Variants in ATXN1 observed in about 807,000 individuals in gnomAD.
ATXN1 encodes ataxin 1.
In ATXN1, 8 loss-of-function variants were observed where a neutral mutation model predicts 56.4. The ratio of observed to expected loss-of-function variants is 0.14; its 90% CI spans 0.08 to 0.26. ATXN1 has a LOEUF of 0.26. Among genes scored for constraint, ATXN1 ranks in the 10% least tolerant of loss-of-function variants. The pLI is 1.00. For synonymous variants in ATXN1, 514 were observed against 494.6 expected, an observed-to-expected ratio of 1.04 and a Z score of -0.52; for missense variants, 987 against 1,106.5, an observed-to-expected ratio of 0.89 and a Z score of 1.53.
chr6:16,541,135 C>T (rs990757074), intron 4 of ATXN1, among the ~76,000 whole-genome samples: 4 of 152,194 alleles, frequency 2.6e-5, no homozygotes, highest in Admixed American at 6.5e-5. Context: ...CCCGCTGCCC[C>T]GGTCAATAGA....
intron 3 of ATXN1, among the ~76,000 whole-genome samples, chr6:16,622,040 C>A (rs1763328726): frequency 6.6e-6 from 1 of 152,160 alleles, no homozygotes; most frequent in Non-Finnish European, 1.5e-5. Context: ...ACTTGATGAT[C>A]ACTGATTATG....
intron 6 of ATXN1, among the ~76,000 whole-genome samples, chr6:16,347,920 C>G (rs1022229400): frequency 1.3e-5 from 2 of 152,174 alleles, no homozygotes; most frequent in African/African-American, 2.4e-5. Context: ...GCTGTTCACT[C>G]TTTGGATCTA....
intron 3 of ATXN1, chr6:16,616,030 G>A (rs977645908): frequency 2.0e-5 from 3 of 151,038 alleles, no homozygotes; most frequent in Non-Finnish European, 4.4e-5. Flanking sequence ...GCAAGACTCT[G>A]TCTCAAGAAA....
intron 6 of ATXN1, among the ~76,000 whole-genome samples, chr6:16,424,757 T>G (rs1372286441): frequency 6.6e-6 from 1 of 152,112 alleles, no homozygotes; most frequent in Admixed American, 6.5e-5. Flanking sequence ...AACAAAGAAG[T>G]GTTTCAGGTG....
In ATXN1 at chr6:16,499,855, C is replaced by G. The variant is rs567138494; in HGVS notation, c.-298-13746G>C. 1.9e-4 allele frequency among the ~76,000 whole-genome samples: 29 copies of G among 152,256 alleles called. 1 individual carries two copies. Among genetic ancestry groups the G allele is most frequent in the East Asian group, 7.7e-4 (4 of 5,184 alleles). ...CAAGGAGTGAAGACTTTTAAATCCC[C>G]CTAAAGCATCAGTTCTCCAACTTGG... On this transcript the variant is annotated intron_variant, in intron 5 of 7. Transcript: ENST00000436367.
At chr6:16,710,986 G>T (rs1040884092) in intron 2 of ATXN1, among the ~76,000 whole-genome samples, 2 of 152,056 alleles carry the variant, frequency 1.3e-5, no homozygotes, top group African/African-American at 4.8e-5. Flanking sequence ...GGGCCCAAGC[G>T]ATCCTCCCAC....
intron 2 of ATXN1, chr6:16,750,042 A>T (rs1760663208): frequency 6.6e-6 from 1 of 152,352 alleles, no homozygotes; most frequent in Non-Finnish European, 1.5e-5. Flanking sequence ...ATCTCTTCCC[A>T]CAGAAATGCA....
At chr6:16,566,188 A>G (rs1762213306) in intron 4 of ATXN1, among the ~76,000 whole-genome samples, 1 of 152,224 alleles carries the variant, frequency 6.6e-6, no homozygotes, top group Admixed American at 6.5e-5. Flanking sequence ...AACTTGTCAT[A>G]AAACATAAAT....
intron 4 of ATXN1, among the ~76,000 whole-genome samples, chr6:16,528,868 A>C (rs1457600090): frequency 5.3e-5 from 8 of 152,168 alleles, no homozygotes; most frequent in Non-Finnish European, 1.2e-4. Flanking sequence ...ATACATAAGC[A>C]TTCTGACAAA....
At chr6:16,320,783 T>C (rs543842120) in intron 7 of ATXN1, among the ~76,000 whole-genome samples, 1 of 152,316 alleles carries the variant, frequency 6.6e-6, no homozygotes, top group African/African-American at 2.4e-5. Context: ...GAAATACAGA[T>C]TGATATGCTC....
rs187246562 is a variant in ATXN1, at chr6:16,423,648, C to G, written c.-161+62324G>C. 1.3e-4 allele frequency among the ~76,000 whole-genome samples: 20 copies of G among 152,202 alleles called. No individual in the cohort carries two copies. In the East Asian group the frequency reaches 3.9e-3, roughly 29 times the overall value. On this transcript the variant is annotated intron_variant, in intron 6 of 7. Coordinates refer to ENST00000436367, the MANE Select transcript of ATXN1 (RefSeq NM_001128164.2). ...GTGACTTAAGGTGGGCAGGGCCTAG[C>G]CTTGATTACAGGCTCTCAAGGATTA...
At chr6:16,613,204 G>A (rs1763143803) in intron 3 of ATXN1, among the ~76,000 whole-genome samples, 1 of 144,730 alleles carries the variant, frequency 6.9e-6, no homozygotes, top group African/African-American at 2.5e-5. Flanking sequence ...AGCGGAGCTT[G>A]CAGTGAGCCG....
At chr6:16,377,935 T>A (rs1301101368) in intron 6 of ATXN1, among the ~76,000 whole-genome samples, 1 of 152,208 alleles carries the variant, frequency 6.6e-6, no homozygotes, top group East Asian at 1.9e-4. Context: ...TAACAGCACG[T>A]GTATGTAATA....
intron 5 of ATXN1, among the ~76,000 whole-genome samples, chr6:16,489,127 T>G (rs1334149281): frequency 6.6e-6 from 1 of 152,214 alleles, no homozygotes; most frequent in Non-Finnish European, 1.5e-5. Flanking sequence ...TCCACTGGAT[T>G]TATTTAAGTC....
intron 7 of ATXN1, among the ~76,000 whole-genome samples, chr6:16,323,228 G>A (rs1397393538): frequency 6.6e-6 from 1 of 152,136 alleles, no homozygotes; most frequent in Non-Finnish European, 1.5e-5. Context: ...GAACAGAAGA[G>A]GGCTGTAAGG....
intron 6 of ATXN1, among the ~76,000 whole-genome samples, chr6:16,347,846 C>T (rs967464778): frequency 2.6e-5 from 4 of 152,304 alleles, no homozygotes; most frequent in African/African-American, 7.2e-5. Context: ...TGGTAACCTT[C>T]TCCGATCCCT....
chr6:16,524,501 C>T (rs1196864434), intron 4 of ATXN1, among the ~76,000 whole-genome samples: 2 of 152,230 alleles, frequency 1.3e-5, no homozygotes, highest in African/African-American at 4.8e-5. Flanking sequence ...CAAAGTCAGA[C>T]CTCAGTCTGA....
intron 2 of ATXN1, among the ~76,000 whole-genome samples, chr6:16,706,266 G>C (rs1759403114): frequency 6.6e-6 from 1 of 152,144 alleles, no homozygotes; most frequent in Non-Finnish European, 1.5e-5. Context: ...TGATTAATCT[G>C]TTGCCTGCTC....
intron 2 of ATXN1, among the ~76,000 whole-genome samples, chr6:16,693,264 C>T (rs1299066614): frequency 1.3e-5 from 2 of 152,122 alleles, no homozygotes; most frequent in African/African-American, 2.4e-5. Flanking sequence ...CAGTGGTCTC[C>T]GCCATTGATC....
Sources: gnomAD v4.1 joint callset for allele counts (sites outside exome capture counted in the v4.1 genomes callset) on GRCh38, gnomAD v4.1.1 for gene constraint, MANE v1.5 for transcripts, NCBI Gene and HGNC (gene_info 2026-07-23, HGNC 2026-07-21) for gene names.